The following STIM2 variants were observed in gnomAD, a reference collection of about 807,000 sequenced individuals.
STIM2 encodes the protein stromal interaction molecule 2.
In STIM2, 31 loss-of-function variants were observed where a neutral mutation model predicts 85.8. The observed-to-expected ratio is 0.36, with a 90% confidence interval of 0.27 to 0.49. The LOEUF (loss-of-function observed/expected upper bound fraction) is 0.49, where lower values mean the gene tolerates loss of function less well. Among genes scored for constraint, STIM2 ranks in the 20% least tolerant of loss-of-function variants. STIM2 has a pLI of 0.98. For missense variants in STIM2, 841 were observed against 927.6 expected (o/e 0.91, Z 1.21); for synonymous variants, 356 against 331.1 (o/e 1.08, Z -0.82).
chr4:26,880,510 A>G (rs868859363), intron 1 of STIM2, among the ~76,000 whole-genome samples: 23 of 151,552 alleles, frequency 1.5e-4, no homozygotes, highest in Admixed American at 4.6e-4. Context: ...GTACTCATGT[A>G]GTATCTAGAT....
At chr4:26,936,765 A>C (rs936678072) in intron 2 of STIM2, among the ~76,000 whole-genome samples, 2 of 152,162 alleles carry the variant, frequency 1.3e-5, no homozygotes, top group Non-Finnish European at 2.9e-5. Flanking sequence ...CATAGTATGG[A>C]GCATCGAAAC....
At chr4:26,901,140 A>G (rs1723904590) in intron 1 of STIM2, among the ~76,000 whole-genome samples, 1 of 152,214 alleles carries the variant, frequency 6.6e-6, no homozygotes, top group Admixed American at 6.5e-5. Context: ...TTGCAGAGGC[A>G]GTTTTAAAAT....
chr4:26,973,585 C>T (rs958967630), intron 3 of STIM2, among the ~76,000 whole-genome samples: 115 of 152,168 alleles, frequency 7.6e-4, no homozygotes, highest in African/African-American at 2.7e-3. Context: ...CTAATTTGAT[C>T]GCACTGTGGT....
intron 1 of STIM2, among the ~76,000 whole-genome samples, chr4:26,871,951 G>T (rs1442305049): frequency 6.6e-6 from 1 of 152,138 alleles, no homozygotes; most frequent in Non-Finnish European, 1.5e-5. Flanking sequence ...TTGGGTAGAT[G>T]ATTTAGTCTG....
At position 26,860,924 on chromosome 4, in the gene STIM2, CTT is replaced by C. The variant is rs529396311; in HGVS notation, c.-278_-277del. 252,489 of 960,596 alleles carry C rather than the reference CTT, an allele frequency of 0.26. 1,204 individuals are homozygous for C. The highest frequency in any genetic ancestry group is 0.28 in the Non-Finnish European group (215,037 of 779,294). 59.5% of individuals were successfully genotyped at this position (960,596 alleles called of 1,614,324 possible). A position where few individuals can be genotyped will look rare whatever the true frequency, so the allele number is the denominator to read the frequency against. On this transcript the variant is annotated 5_prime_UTR_variant, in exon 1 of 12. Transcript: ENST00000467087. ...GACGCCGTACCTTTCTACCCCCCAC[CTT>C]TTTTTTTTTTTTTTTTAAATAACCG...
At chr4:27,019,067 TA>T (rs1373038268) in intron 11 of STIM2, among the ~76,000 whole-genome samples, 1 of 152,174 alleles carries the variant, frequency 6.6e-6, no homozygotes, top group Non-Finnish European at 1.5e-5. Context: ...TAAACCACAT[TA>T]CTCTTTAAAA....
intron 1 of STIM2, among the ~76,000 whole-genome samples, chr4:26,911,310 A>G (rs982775556): frequency 6.6e-6 from 1 of 152,308 alleles, no homozygotes; most frequent in Non-Finnish European, 1.5e-5. Flanking sequence ...AAAGGTATAG[A>G]TGAAGTTAGC....
chr4:27,021,109 G>T, intron 11 of STIM2: 1 of 1,484,362 alleles, frequency 6.7e-7, no homozygotes, highest in Non-Finnish European at 9.1e-7. Context: ...ATCTCACTCT[G>T]TTCATTCATT....
intron 4 of STIM2, among the ~76,000 whole-genome samples, chr4:26,998,878 C>G (rs570347430): frequency 1.2e-4 from 18 of 150,582 alleles, no homozygotes; most frequent in African/African-American, 4.2e-4. Flanking sequence ...AACCACTGCA[C>G]TCCAGCCTGG....
chr4:26,946,003 A>G (rs983425766), intron 2 of STIM2, among the ~76,000 whole-genome samples: 2 of 152,202 alleles, frequency 1.3e-5, no homozygotes, highest in African/African-American at 4.8e-5. Context: ...ATATGATGTC[A>G]TTAATGTTAG....
At chr4:26,882,484 G>A (rs1477017376) in intron 1 of STIM2, among the ~76,000 whole-genome samples, 1 of 151,152 alleles carries the variant, frequency 6.6e-6, no homozygotes, top group Non-Finnish European at 1.5e-5. Flanking sequence ...TTGAGACAGG[G>A]TCTGGCTCTG....
chr4:26,919,959 C>T (rs956390905), intron 2 of STIM2, among the ~76,000 whole-genome samples: 4 of 152,074 alleles, frequency 2.6e-5, no homozygotes, highest in African/African-American at 9.7e-5. Flanking sequence ...TTTAAAATGA[C>T]AACAGTTTAT....
intron 10 of STIM2, 46 bp downstream of exon 10, chr4:27,009,048 A>G (rs1357656452): frequency 6.5e-7 from 1 of 1,535,144 alleles, no homozygotes; most frequent in Non-Finnish European, 9.0e-7. Context: ...GTTTTAAAGT[A>G]ATTTTCTCCT....
intron 1 of STIM2, among the ~76,000 whole-genome samples, chr4:26,912,834 T>G (rs1724392859): frequency 6.6e-6 from 1 of 152,250 alleles, no homozygotes; most frequent in African/African-American, 2.4e-5. Context: ...TGATTGCTAC[T>G]TCACCTGTCT....
intron 1 of STIM2, among the ~76,000 whole-genome samples, chr4:26,891,666 G>A (rs1438510030): frequency 6.6e-6 from 1 of 151,902 alleles, no homozygotes; most frequent in African/African-American, 2.4e-5. Flanking sequence ...ATGGGCTAGA[G>A]TAGCACACCC....
At chr4:26,962,284 T>C (rs1726504146) in intron 3 of STIM2, among the ~76,000 whole-genome samples, 1 of 152,180 alleles carries the variant, frequency 6.6e-6, no homozygotes, top group Non-Finnish European at 1.5e-5. Flanking sequence ...GTTAGGCGCT[T>C]AGTAAAGGTT....
chr4:26,874,061 C>A, intron 1 of STIM2: 1 of 653,994 alleles, frequency 1.5e-6, no homozygotes, highest in Non-Finnish European at 2.9e-6. Context: ...TTCTCTGGGA[C>A]TTGGCACCTG....
chr4:26,922,444 T>G (rs1183925964), intron 2 of STIM2, among the ~76,000 whole-genome samples: 1 of 152,192 alleles, frequency 6.6e-6, no homozygotes, highest in Non-Finnish European at 1.5e-5. Flanking sequence ...AAACTGAGCT[T>G]CTGCAGTTTC....
At chr4:26,965,497 A>G (rs931135270) in intron 3 of STIM2, among the ~76,000 whole-genome samples, 3 of 152,092 alleles carry the variant, frequency 2.0e-5, no homozygotes, top group Non-Finnish European at 2.9e-5. Context: ...AAATTATCCA[A>G]ATGAGTTCAG....
Sources: allele counts gnomAD v4.1 joint callset (sites outside exome capture counted in the v4.1 genomes callset), GRCh38; gene constraint gnomAD v4.1.1; transcripts MANE v1.5; gene names NCBI Gene and HGNC (gene_info 2026-07-23, HGNC 2026-07-21).